PRAMEF20: variants seen among roughly 807,000 people sequenced by gnomAD.
PRAMEF20 encodes PRAME family member 20/21.
In PRAMEF20, 27 loss-of-function variants were observed where a neutral mutation model predicts 32.4. The ratio of observed to expected loss-of-function variants is 0.83; its 90% CI spans 0.61 to 1.15. The LOEUF (loss-of-function observed/expected upper bound fraction) is 1.15. PRAMEF20 is among the 50% of genes most tolerant of loss of function. PRAMEF20 has a pLI of 0.00. For synonymous variants in PRAMEF20, 256 were observed against 235.4 expected (o/e 1.09, Z -0.80); for missense variants, 604 against 584.5 (o/e 1.03, Z -0.34).
At position 13,420,683 on chromosome 1, in the gene PRAMEF20, C is replaced by A; in HGVS notation, c.867-14C>A. The A allele has an allele frequency of 6.2e-7, 1 of 1,613,864 alleles. No homozygotes were observed. The highest frequency in any genetic ancestry group is 1.1e-5 in the South Asian group (1 of 91,070). On this transcript the variant is annotated splice_polypyrimidine_tract_variant and intron_variant, in intron 2 of 2. Transcript: ENST00000602960. ...ACGATTCCCCAGAACTAACTTCCTG[C>A]TCTCTCTCCCCAGCTGTCTAAAGAC...
upstream of PRAMEF20, among the ~76,000 whole-genome samples, chr1:13,414,208 A>ATTTTTTTTT (rs149194621): frequency 2.2e-4 from 27 of 123,282 alleles, no homozygotes; most frequent in Admixed American, 3.7e-4. Flanking sequence ...CACCTGACTA[A>ATTTTTTTTT]TTTTTTTTTT....
At chr1:13,412,069 T>A (rs1224812322), upstream of PRAMEF20, among the ~76,000 whole-genome samples, 1 of 151,848 alleles carries the variant, frequency 6.6e-6, no homozygotes, top group African/African-American at 2.4e-5. Context: ...TTAATTTATT[T>A]ATTTATTTAT....
chr1:13,411,969 C>A (rs1459944835), upstream of PRAMEF20, among the ~76,000 whole-genome samples: 1 of 152,082 alleles, frequency 6.6e-6, no homozygotes, highest in Non-Finnish European at 1.5e-5. Flanking sequence ...GTCCTTTATA[C>A]CTGGCTGTGA....
chr1:13,418,379 G>A (rs1230750682), exon 2 of PRAMEF20: 1 of 1,613,898 alleles, frequency 6.2e-7, no homozygotes, highest in Non-Finnish European at 8.5e-7. Context: ...CACCTGTGCT[G>A]TAAGAAGCTG....
At chr1:13,416,432 C>T in exon 1 of PRAMEF20, 2 of 1,614,032 alleles carry the variant, frequency 1.2e-6, no homozygotes, top group Admixed American at 3.3e-5. Flanking sequence ...TGGCCATCTC[C>T]ACCCTGGAGG....
At chr1:13,418,265 A>G (rs1028767467) in exon 2 of PRAMEF20, 90 of 1,613,914 alleles carry the variant, frequency 5.6e-5, no homozygotes, top group Middle Eastern at 1.7e-4. Context: ...ATGAGAGGAC[A>G]GCAGCCCTTG....
chr1:13,417,413 C>T (rs1641188764), intron 1 of PRAMEF20, among the ~76,000 whole-genome samples: 1 of 151,988 alleles, frequency 6.6e-6, no homozygotes, highest in South Asian at 2.1e-4. Context: ...GGCCTCACCT[C>T]TGAACATGGT....
upstream of PRAMEF20, among the ~76,000 whole-genome samples, chr1:13,414,262 T>C (rs1219438781): frequency 2.0e-5 from 3 of 150,966 alleles, no homozygotes. Flanking sequence ...GATATCACTA[T>C]GTTTTCCAGG....
chr1:13,416,302 A>G, upstream of PRAMEF20: 3 of 1,611,910 alleles, frequency 1.9e-6, no homozygotes, highest in Non-Finnish European at 2.5e-6. Flanking sequence ...CCTGAGAGTG[A>G]TGCCTTTTCT....
intron 2 of PRAMEF20, among the ~76,000 whole-genome samples, chr1:13,420,112 T>C (rs1641227026): frequency 6.6e-6 from 1 of 152,116 alleles, no homozygotes; most frequent in South Asian, 2.1e-4. Context: ...AGAGATGTGG[T>C]TTTCTGCCTG....
intron 1 of PRAMEF20, among the ~76,000 whole-genome samples, chr1:13,417,163 G>C (rs546599419): frequency 6.6e-6 from 1 of 152,270 alleles, no homozygotes; most frequent in East Asian, 1.9e-4. Context: ...CAGCGTGGAA[G>C]GGGACCTGAG....
chr1:13,421,281 A>G, exon 3 of PRAMEF20: 1 of 1,613,710 alleles, frequency 6.2e-7, no homozygotes, highest in Non-Finnish European at 8.5e-7. Flanking sequence ...TTGGGTGGAT[A>G]TATCAAACTC....
rs1458252454 is a variant in PRAMEF20 at position 13,418,020 on chromosome 1, C to T, written c.288-102C>T. The T allele has an allele frequency of 2.3e-5, 37 of 1,593,818 alleles. No individual in the cohort carries two copies. The South Asian group carries it at 2.5e-4, about 11-fold the overall frequency. Reference sequence around the variant, plus strand: ...CGATCTCCTGACCTTGTGATCCGCCCGCCTTGGCCTCCCAAAGTGCTGGGA... The same window carrying T: ...CGATCTCCTGACCTTGTGATCCGCCTGCCTTGGCCTCCCAAAGTGCTGGGA... On this transcript the variant is annotated intron_variant, in intron 1 of 2. Coordinates refer to ENST00000602960, the Ensembl canonical transcript of PRAMEF20.
exon 1 of PRAMEF20, chr1:13,416,445 C>G (rs1196524219): frequency 6.2e-6 from 10 of 1,613,984 alleles, no homozygotes; most frequent in East Asian, 2.2e-5. Flanking sequence ...CCTGGAGGAG[C>G]TGCCCACGGA....
rs753932624 is a variant in PRAMEF20, at chr1:13,416,462, TC to T, written c.113del (p.Pro38HisfsTer15). The T allele has an allele frequency of 1.6e-5, 26 of 1,613,602 alleles. No individual in the cohort carries two copies. The Admixed American group carries it at 2.7e-4, about 17-fold the overall frequency. ...TGGAGGAGCTGCCCACGGAACTTTT[TC>T]CCCCATTGTTCATGGAGGCCTTCAG... On this transcript the variant is annotated frameshift_variant, in exon 1 of 3. Coordinates refer to ENST00000602960, the Ensembl canonical transcript of PRAMEF20. LOFTEE classifies it high-confidence loss of function.
chr1:13,416,058 GC>G (rs1248631813), upstream of PRAMEF20, among the ~76,000 whole-genome samples: 2 of 152,178 alleles, frequency 1.3e-5, no homozygotes. Context: ...GGAGGGATTA[GC>G]TTTCAGGTTC....
chr1:13,418,237 C>G (rs199886862), exon 2 of PRAMEF20: 1,028,353 of 1,608,260 alleles, frequency 0.64, 332,522 homozygotes, highest in African/African-American at 0.88. Context: ...CAGAAAACCA[C>G]TGCAGGACTG....
chr1:13,418,410 C>A, exon 2 of PRAMEF20: 1 of 1,613,890 alleles, frequency 6.2e-7, no homozygotes, highest in Non-Finnish European at 8.5e-7. Context: ...GAATGCTCTT[C>A]CACAATATCA....
chr1:13,413,793 C>T (rs1425629179), upstream of PRAMEF20, among the ~76,000 whole-genome samples: 1 of 152,122 alleles, frequency 6.6e-6, no homozygotes, highest in Non-Finnish European at 1.5e-5. Context: ...GCACCCTGAA[C>T]ACTGAGTCCA....
Sources: allele counts gnomAD v4.1 joint callset (sites outside exome capture counted in the v4.1 genomes callset), GRCh38; gene constraint gnomAD v4.1.1; transcripts MANE v1.5; gene names NCBI Gene and HGNC (gene_info 2026-07-23, HGNC 2026-07-21).